The following PPM1M variants were observed in gnomAD, a reference collection of about 807,000 sequenced individuals.
PPM1M encodes the protein protein phosphatase, Mg2+/Mn2+ dependent 1M, also known as protein phosphatase 1M.
Under a neutral mutation model 50.8 loss-of-function variants are expected in PPM1M, and 44 were observed. The ratio of observed to expected loss-of-function variants is 0.87; its 90% CI spans 0.68 to 1.11. PPM1M has a LOEUF of 1.11. Ranked by LOEUF, PPM1M falls within the 50% of genes most tolerant of loss-of-function variation. The pLI, the probability that PPM1M is intolerant of heterozygous loss-of-function variation, is 0.00. For synonymous variants in PPM1M, 224 were observed against 242.9 expected (o/e 0.92, Z 0.72); for missense variants, 556 against 593.4 (o/e 0.94, Z 0.66).
At position 52,247,651 on chromosome 3, in the gene PPM1M, C is replaced by T. The variant is rs372663476; in HGVS notation, c.598-31C>T. 3 of 1,384,704 alleles carry T rather than the reference C, an allele frequency of 2.2e-6. No homozygotes were observed. The African/African-American group carries it at 4.2e-5, about 20-fold the overall frequency. The allele number at this position is 1,384,704 out of a possible 1,614,324, so 85.8% of individuals were successfully genotyped here. ...CAAAGTAGTATGGTGGCAGAACAGG[C>T]AGCAGCTAAGGTGGCCTCGGTTTTC... On this transcript the variant is annotated intron_variant, in intron 3 of 9. Coordinates refer to ENST00000323588, the MANE Select transcript of PPM1M (RefSeq NM_144641.4).
chr3:52,246,158 G>T, intron 1 of PPM1M, 110 bp downstream of exon 1: 2 of 1,028,156 alleles, frequency 1.9e-6, no homozygotes, highest in South Asian at 5.8e-5. Flanking sequence ...ACCCACCTGT[G>T]GACAGCCCCT....
intron 6 of PPM1M, 32 bp from the exon 7 acceptor site, chr3:52,248,605 G>A: frequency 6.2e-7 from 1 of 1,612,810 alleles, no homozygotes; most frequent in Non-Finnish European, 8.5e-7. Context: ...GGGGCACAGG[G>A]CTTGGGTTGA....
In PPM1M at chr3:52,249,957, T is replaced by C; in HGVS notation, c.*143T>C. The C allele has an allele frequency of 1.4e-6, 1 of 702,852 alleles. No individual in the cohort carries two copies. Among genetic ancestry groups the C allele is most frequent in the Non-Finnish European group, 2.4e-6 (1 of 419,998 alleles). The allele number at this position is 702,852 out of a possible 1,614,324, so 43.5% of individuals were successfully genotyped here. On this transcript the variant is annotated 3_prime_UTR_variant, in exon 10 of 10. Coordinates refer to ENST00000323588, the MANE Select transcript of PPM1M (RefSeq NM_144641.4). The stretch of plus-strand genomic sequence containing the variant: ...CACTATCCACCTCAACACACATCCA[T>C]CTCAAGAGGAACATTTATACCAGGC...
At chr3:52,246,636 T>C in intron 1 of PPM1M, 59 bp from the exon 2 acceptor site, 1 of 1,148,972 alleles carries the variant, frequency 8.7e-7, no homozygotes, top group Non-Finnish European at 1.2e-6. Flanking sequence ...CTTGGGTCCC[T>C]GTGCCCATGG....
chr3:52,249,474 G>A (rs1173373287), intron 9 of PPM1M, 152 bp downstream of exon 9: 27 of 1,258,046 alleles, frequency 2.1e-5, no homozygotes, highest in South Asian at 2.8e-5. Context: ...CAGGGAGACC[G>A]TGGGTTCCGA....
At position 52,248,443 on chromosome 3, in the gene PPM1M, A is replaced by G; in HGVS notation, c.904A>G (p.Met302Val). The change falls in exon 6 of 10, where the codon ATG becomes GTG. Residue 302 changes from methionine to valine, a missense_variant. Coordinates refer to ENST00000323588, the MANE Select transcript of PPM1M (RefSeq NM_144641.4). ...GQKVLFRDHH[M>V]SGWSYKRVEK... ...GAAGGTTTTGTTCAGGGATCACCAC[A>G]TGAGTGGCTGGTGAGTGGGGATGGG... is the stretch of plus-strand genomic sequence containing the variant. 1 of 1,612,700 alleles carries G rather than the reference A, an allele frequency of 6.2e-7. No homozygotes were observed. Among genetic ancestry groups the G allele is most frequent in the Non-Finnish European group, 8.5e-7 (1 of 1,178,938 alleles).
In PPM1M at chr3:52,250,401, T is replaced by A. The variant is rs1459642433; in HGVS notation, c.*587T>A. The A allele has an allele frequency of 1.3e-5, 2 of 155,278 alleles. No homozygotes were observed. Among genetic ancestry groups the A allele is most frequent in the African/African-American group, 4.8e-5 (2 of 41,584 alleles). 9.6% of individuals were successfully genotyped at this position (155,278 alleles called of 1,614,324 possible). A position where few individuals can be genotyped will look rare whatever the true frequency, so the allele number is the denominator to read the frequency against. ...GAGGAACAGGTGCTGGGGCTAAAGT[T>A]TGGGGTAGAGCACAAGGGACAAGAG... On this transcript the variant is annotated 3_prime_UTR_variant, in exon 10 of 10. Coordinates refer to ENST00000323588, the MANE Select transcript of PPM1M (RefSeq NM_144641.4).
rs770755292 is a variant in PPM1M, at chr3:52,248,659, T to G, written c.937T>G (p.Ser313Ala). 4.4e-5 allele frequency: 71 copies of G among 1,613,604 alleles called. No individual in the cohort carries two copies. The highest frequency in any genetic ancestry group is 5.9e-5 in the Non-Finnish European group (70 of 1,179,816). ...SGWSYKRVEK[S>A]DLKYPLIHGQ... ...TAGGAGCTACAAACGTGTGGAGAAA[T>G]CGGATCTCAAGTACCCACTGATCCA... is the stretch of plus-strand genomic sequence containing the variant. Residue 313 changes from serine to alanine, a missense_variant, in exon 7 of 10, where the codon TCG becomes GCG. Ser to Ala is a moderately conservative substitution (Grantham distance 99). Coordinates refer to ENST00000323588, the MANE Select transcript of PPM1M (RefSeq NM_144641.4).
In PPM1M at chr3:52,249,202, A is replaced by G; in HGVS notation, c.1115A>G (p.Glu372Gly). The G allele has an allele frequency of 6.2e-7, 1 of 1,613,788 alleles. No homozygotes were observed. The highest frequency in any genetic ancestry group is 8.5e-7 in the Non-Finnish European group (1 of 1,179,790). ...ACTGTGCTGGATGTGGACCAGCTGG[A>G]GCTACAGGAGGATGATGTGGTTGTC... ...QVTVLDVDQL[E>G]LQEDDVVVMA... The change falls in exon 9 of 10, where the codon GAG becomes GGG. Residue 372 changes from glutamate (E) to glycine (G), a missense_variant. Physicochemically the swap from Glu to Gly is moderately conservative, Grantham distance 98. Transcript: ENST00000323588.
intron 7 of PPM1M, 55 bp from the exon 8 acceptor site, chr3:52,248,901 A>G: frequency 1.4e-6 from 2 of 1,393,118 alleles, no homozygotes; most frequent in Non-Finnish European, 2.0e-6. Context: ...AGGGCCTGGT[A>G]CTTGTGCATT....
chr3:52,246,725 T>C lies in PPM1M; in HGVS notation c.255T>C (p.Asn85=). ...EIINAEKSEF[N]EDQAACGKLC... The stretch of plus-strand genomic sequence containing the variant: ...TCAATGCAGAGAAATCTGAATTCAA[T>C]GAGGATCAAGCCGCCTGTGGGAAGC... Residue 85 remains asparagine, a synonymous_variant, in exon 2 of 10, where the codon AAT becomes AAC. Transcript: ENST00000323588. 2 of 1,315,174 alleles carry C rather than the reference T, an allele frequency of 1.5e-6. No homozygotes were observed. Among genetic ancestry groups the C allele is most frequent in the African/African-American group, 1.5e-5 (1 of 66,432 alleles). 81.5% of individuals were successfully genotyped at this position (1,315,174 alleles called of 1,614,324 possible). A position where few individuals can be genotyped will look rare whatever the true frequency, so the allele number is the denominator to read the frequency against.
chr3:52,245,953 C>A lies in PPM1M; in HGVS notation c.129C>A (p.Ser43Arg), dbSNP rs1203560331. 1 of 1,249,236 alleles carries A rather than the reference C, an allele frequency of 8.0e-7. No homozygotes were observed. The highest frequency in any genetic ancestry group is 1.6e-5 in the African/African-American group (1 of 61,906). The allele number at this position is 1,249,236 out of a possible 1,614,324, so 77.4% of individuals were successfully genotyped here. A position where few individuals can be genotyped will look rare whatever the true frequency, so the allele number is the denominator to read the frequency against. The change falls in exon 1 of 10, where the codon AGC becomes AGA. Residue 43 changes from serine (S) to arginine (R), a missense_variant. By Grantham distance (110) the Ser-to-Arg change is moderately radical (BLOSUM62 -1). Coordinates refer to ENST00000323588, the MANE Select transcript of PPM1M (RefSeq NM_144641.4). The surrounding 1 kb of genome is among the most constrained non-coding windows in gnomAD (Gnocchi z 4.8). Reference sequence around the variant, plus strand: ...GCTTCCTTCGCGGCTCCAGCTCCAGCCCCGGGGCGGCCGACGCCTCGCGCC... The same window carrying A: ...GCTTCCTTCGCGGCTCCAGCTCCAGACCCGGGGCGGCCGACGCCTCGCGCC... The part of the protein sequence containing the change: ...RPRFLRGSSS[S>R]PGAADASRRP...
In PPM1M at chr3:52,246,040, C is replaced by A. The variant is rs1199458664; in HGVS notation, c.216C>A (p.Gly72=). The part of the protein sequence containing the change: ...ARGRTLPWNA[G]YAEIINAEKS... ...GACGCACGCTACCCTGGAATGCAGG[C>A]TACGCCGAGTGAGTGCCCCTCCCCG... The change falls in exon 1 of 10, where the codon GGC becomes GGA. Residue 72 remains glycine (G), a synonymous_variant. Transcript: ENST00000323588. The A allele has an allele frequency of 8.5e-7, 1 of 1,173,132 alleles. No homozygotes were observed. The highest frequency in any genetic ancestry group is 1.1e-6 in the Non-Finnish European group (1 of 927,996). 72.7% of individuals were successfully genotyped at this position (1,173,132 alleles called of 1,614,324 possible).
At chr3:52,247,437 C>T in intron 3 of PPM1M, 1 of 756,448 alleles carries the variant, frequency 1.3e-6, no homozygotes, top group Non-Finnish European at 2.1e-6. Context: ...CTGCTTTTAC[C>T]TGCATCATCT....
At chr3:52,247,423 C>A in intron 3 of PPM1M, 195 bp downstream of exon 3, 1 of 831,792 alleles carries the variant, frequency 1.2e-6, no homozygotes, top group Non-Finnish European at 1.8e-6. Context: ...CTACTGTGTG[C>A]TAACTGCTTT....
chr3:52,247,400 A>C (rs1699878488), intron 3 of PPM1M, 172 bp downstream of exon 3: 35 of 958,544 alleles, frequency 3.7e-5, no homozygotes, highest in Non-Finnish European at 4.9e-5. Flanking sequence ...AACCCCTCTC[A>C]TTTATCCAGC....
chr3:52,249,605 T>A (rs1465929490), intron 9 of PPM1M, 65 bp from the exon 10 acceptor site: 4 of 1,601,248 alleles, frequency 2.5e-6, no homozygotes, highest in Non-Finnish European at 3.4e-6. Flanking sequence ...CAGTGAGTTC[T>A]CCTAAGGTCT....
rs757739981 is a variant in PPM1M at position 52,248,664 on chromosome 3, TC to T, written c.943del (p.Leu315SerfsTer5). On this transcript the variant is annotated frameshift_variant, in exon 7 of 10. Transcript: ENST00000323588. LOFTEE classifies it high-confidence loss of function. ...GCTACAAACGTGTGGAGAAATCGGA[TC>T]TCAAGTACCCACTGATCCATGGACA... ...WSYKRVEKSD[L>X]KYPLIHGQGR... 6.2e-7 allele frequency: 1 copy of T among 1,613,806 alleles called. No individual in the cohort carries two copies. Among genetic ancestry groups the T allele is most frequent in the South Asian group, 1.1e-5 (1 of 91,064 alleles).
chr3:52,246,887 C>T lies in PPM1M; in HGVS notation c.342+75C>T, dbSNP rs1699866209. 4 of 1,507,350 alleles carry T rather than the reference C, an allele frequency of 2.7e-6. No individual in the cohort carries two copies. In the South Asian group the frequency reaches 4.8e-5, roughly 18 times the overall value. The allele number at this position is 1,507,350 out of a possible 1,614,324, so 93.4% of individuals were successfully genotyped here. On this transcript the variant is annotated intron_variant, in intron 2 of 9. Coordinates refer to ENST00000323588, the MANE Select transcript of PPM1M (RefSeq NM_144641.4). ...CACGACCTGCAGGCTGAGGTTCTTA[C>T]CCTGCTGCCCCAGGTCCTAGTTAGG...
Sources: gnomAD v4.1 joint callset for allele counts on GRCh38, gnomAD v4.1.1 for gene constraint, Gnocchi (gnomAD v3.1) non-coding constraint, MANE v1.5 for transcripts, NCBI Gene and HGNC (gene_info 2026-07-23, HGNC 2026-07-21) for gene names.